Variants in AQR observed in about 807,000 individuals in gnomAD.
AQR encodes RNA helicase aquarius.
Under a neutral mutation model 180.5 loss-of-function variants are expected in AQR, and 61 were observed. The observed-to-expected ratio is 0.34, with a 90% confidence interval of 0.28 to 0.42. The LOEUF (loss-of-function observed/expected upper bound fraction) is 0.42, where lower values mean the gene tolerates loss of function less well. Among genes scored for constraint, AQR ranks in the 10% least tolerant of loss-of-function variants. The pLI is 1.00. For missense variants in AQR, 1,281 were observed against 1,798.3 expected (o/e 0.71, Z 5.20); for synonymous variants, 551 against 588.8 (o/e 0.94, Z 0.93).
At chr15:34,957,061 T>G (rs1290706711) in intron 3 of AQR, among the ~76,000 whole-genome samples, 4 of 152,324 alleles carry the variant, frequency 2.6e-5, no homozygotes, top group African/African-American at 9.6e-5. Flanking sequence ...ACATGGCTGT[T>G]ACATCAAGCC....
At chr15:34,883,739 T>A (rs1893011555) in intron 26 of AQR, among the ~76,000 whole-genome samples, 1 of 152,204 alleles carries the variant, frequency 6.6e-6, no homozygotes, top group Non-Finnish European at 1.5e-5. Context: ...ACCGCTGTAA[T>A]TTTTCAATGA....
At chr15:34,927,636 G>C (rs1893784562) in intron 12 of AQR, among the ~76,000 whole-genome samples, 3 of 152,218 alleles carry the variant, frequency 2.0e-5, no homozygotes, top group Admixed American at 6.5e-5. Context: ...TAAGAAAACA[G>C]AAATAGTAGT....
chr15:34,905,143 C>T (rs921430866), intron 18 of AQR, among the ~76,000 whole-genome samples: 1 of 151,628 alleles, frequency 6.6e-6, no homozygotes, highest in African/African-American at 2.4e-5. Context: ...AACTTTGGTT[C>T]CATTATGTGG....
rs372038811 is a variant in AQR at position 34,934,075 on chromosome 15, C to T, written c.783+496G>A. ...CTGGGAGGCGGAGGCTGCAGTGAGCCGAGACAGCGCCACTGCATTCTAGCC... is the reference window on the plus strand; with the variant it reads ...CTGGGAGGCGGAGGCTGCAGTGAGCTGAGACAGCGCCACTGCATTCTAGCC... On this transcript the variant is annotated intron_variant, in intron 10 of 34. Transcript: ENST00000156471. Among the ~76,000 whole-genome samples, 512 of 151,120 alleles carry T rather than the reference C, an allele frequency of 3.4e-3. 4 individuals carry two copies. The highest frequency in any genetic ancestry group is 0.012 in the African/African-American group (486 of 41,072).
chr15:34,888,658 C>T (rs1015627737), intron 24 of AQR, among the ~76,000 whole-genome samples: 1 of 152,046 alleles, frequency 6.6e-6, no homozygotes, highest in Admixed American at 6.5e-5. Flanking sequence ...GACGGTGCCA[C>T]TGCACTCCAG....
rs945517334 is a variant in AQR, at chr15:34,852,512, C to T, written c.*4280G>A. ...AGCTACCTAAGGTATCTTATTAAAA[C>T]AAATGAACAAAAAGTTTCCCAAACT... On this transcript the variant is annotated 3_prime_UTR_variant, in exon 35 of 35. Transcript: ENST00000156471. The T allele has an allele frequency of 3.3e-5, 5 of 151,910 alleles. No individual in the cohort carries two copies. The highest frequency in any genetic ancestry group is 1.2e-4 in the African/African-American group (5 of 41,376). The allele number at this position is 151,910 out of a possible 1,614,324, so 9.4% of individuals were successfully genotyped here.
intron 26 of AQR, among the ~76,000 whole-genome samples, chr15:34,883,452 T>C (rs1893006453): frequency 1.3e-5 from 2 of 152,208 alleles, no homozygotes; most frequent in African/African-American, 4.8e-5. Flanking sequence ...GCTATTATTA[T>C]GAATTGAGTA....
Position 34,930,244 on chromosome 15 carries a change from T to A in AQR, c.1014+14A>T. ...CTTATGGAGCATACACAGTCTATAA[T>A]GTATTTTAATTACCTGTAGAGAAGT... On this transcript the variant is annotated intron_variant, in intron 12 of 34. Transcript: ENST00000156471. The A allele has an allele frequency of 6.7e-7, 1 of 1,484,892 alleles. No homozygotes were observed. The highest frequency in any genetic ancestry group is 1.7e-4 in the Middle Eastern group (1 of 5,730). The allele number at this position is 1,484,892 out of a possible 1,614,324, so 92.0% of individuals were successfully genotyped here. A position where few individuals can be genotyped will look rare whatever the true frequency, so the allele number is the denominator to read the frequency against.
intron 16 of AQR, among the ~76,000 whole-genome samples, chr15:34,913,898 G>A (rs1465494385): frequency 6.6e-6 from 1 of 152,172 alleles, no homozygotes; most frequent in African/African-American, 2.4e-5. Flanking sequence ...TGATTATTAA[G>A]TCAAAAATGC....
chr15:34,958,068 C>T lies in AQR; in HGVS notation c.173+2706G>A, dbSNP rs192037905. ...CTAAAAATACAAAAAATTAGCCGGGCGTGGTGGCGGGCGCCTGTAATCCCA... is the reference window on the plus strand; with the variant it reads ...CTAAAAATACAAAAAATTAGCCGGGTGTGGTGGCGGGCGCCTGTAATCCCA... On this transcript the variant is annotated intron_variant, in intron 3 of 34. Transcript: ENST00000156471. Among the ~76,000 whole-genome samples the T allele has an allele frequency of 1.0e-2, 1,514 of 152,020 alleles. 28 individuals carry two copies. The highest frequency in any genetic ancestry group is 0.035 in the African/African-American group (1,449 of 41,488).
chr15:34,872,533 G>C (rs888119999), intron 30 of AQR, among the ~76,000 whole-genome samples: 2 of 152,060 alleles, frequency 1.3e-5, no homozygotes, highest in African/African-American at 4.8e-5. Flanking sequence ...AAACCAATAT[G>C]TAATGAAAAC....
intron 3 of AQR, among the ~76,000 whole-genome samples, chr15:34,956,976 T>C (rs1037366919): frequency 2.2e-5 from 2 of 88,966 alleles, no homozygotes; most frequent in Non-Finnish European, 6.4e-5. Flanking sequence ...GAAGAATTCA[T>C]TAAGATAAGC....
At position 34,852,578 on chromosome 15, in the gene AQR, C is replaced by A. The variant is rs76437175; in HGVS notation, c.*4214G>T. 2 of 147,920 alleles carry A rather than the reference C, an allele frequency of 1.4e-5. No homozygotes were observed. Among genetic ancestry groups the A allele is most frequent in the Non-Finnish European group, 3.0e-5 (2 of 65,874 alleles). 9.2% of individuals were successfully genotyped at this position (147,920 alleles called of 1,614,324 possible). On this transcript the variant is annotated 3_prime_UTR_variant, in exon 35 of 35. Transcript: ENST00000156471. ...AGCTACCTATCTTATTAAAAAAAAA[C>A]AAAAACAAAGTTTTATGCTCTAATA...
chr15:34,893,899 A>G (rs1893192017), intron 22 of AQR, 126 bp from the exon 23 acceptor site: 1 of 709,240 alleles, frequency 1.4e-6, no homozygotes. Context: ...CAATAACAGA[A>G]TGAACAGGAT....
chr15:34,906,762 G>A, intron 17 of AQR, 50 bp from the exon 18 acceptor site: 1 of 1,563,084 alleles, frequency 6.4e-7, no homozygotes, highest in Non-Finnish European at 8.7e-7. Context: ...ATTGTTTTCA[G>A]TCTTTTGTAG....
chr15:34,881,588 C>G (rs1336932967), intron 27 of AQR, among the ~76,000 whole-genome samples: 2 of 152,204 alleles, frequency 1.3e-5, no homozygotes, highest in Admixed American at 6.5e-5. Flanking sequence ...CTTTCCACTT[C>G]AAGTGAGTCA....
intron 4 of AQR, among the ~76,000 whole-genome samples, 190 bp from the exon 5 acceptor site, chr15:34,948,574 C>T (rs748447371): frequency 5.3e-5 from 8 of 151,978 alleles, no homozygotes; most frequent in South Asian, 2.1e-4. Flanking sequence ...GAGGCCGAGA[C>T]GGGTGGAGGT....
At chr15:34,946,384 G>A (rs1245366624) in intron 5 of AQR, among the ~76,000 whole-genome samples, 1 of 151,504 alleles carries the variant, frequency 6.6e-6, no homozygotes, top group African/African-American at 2.4e-5. Flanking sequence ...TTGAGGTCGG[G>A]GGGGTCAGCC....
intron 1 of AQR, among the ~76,000 whole-genome samples, chr15:34,964,615 T>TG (rs1403529378): frequency 3.9e-5 from 6 of 152,202 alleles, no homozygotes; most frequent in African/African-American, 1.4e-4. Flanking sequence ...AAGGAAACCC[T>TG]GGTCTAGAAA....
Sources: gnomAD v4.1 joint callset for allele counts (sites outside exome capture counted in the v4.1 genomes callset) on GRCh38, gnomAD v4.1.1 for gene constraint, MANE v1.5 for transcripts, NCBI Gene and HGNC (gene_info 2026-07-23, HGNC 2026-07-21) for gene names.